The following ZC3HAV1L variants were observed in gnomAD, a reference collection of about 807,000 sequenced individuals.
ZC3HAV1L encodes the protein zinc finger CCCH-type antiviral protein 1-like.
Under a neutral mutation model 28.2 loss-of-function variants are expected in ZC3HAV1L, and 23 were observed. The ratio of observed to expected loss-of-function variants is 0.82; its 90% CI spans 0.59 to 1.16. ZC3HAV1L has a LOEUF of 1.16. Among genes scored for constraint, ZC3HAV1L ranks in the 50% most tolerant of loss-of-function variants. The probability of loss-of-function intolerance (pLI) is 0.00; values close to 1 mark genes in which losing one functional copy is unlikely to be tolerated. For missense variants in ZC3HAV1L, 376 were observed against 387.7 expected (o/e 0.97, Z 0.25); for synonymous variants, 180 against 163.4 (o/e 1.10, Z -0.78).
intron 1 of ZC3HAV1L, chr7:139,035,136 A>G: frequency 1.0e-6 from 1 of 985,438 alleles, no homozygotes; most frequent in Admixed American, 6.1e-5. Flanking sequence ...GCAGTCAGGA[A>G]CCACAGGGCC....
intron 1 of ZC3HAV1L, 128 bp downstream of exon 1, chr7:139,035,525 G>A (rs755444354): frequency 2.7e-5 from 36 of 1,311,454 alleles, no homozygotes; most frequent in Non-Finnish European, 3.2e-5. Flanking sequence ...CTGCGGGAGG[G>A]GGTCGTCCAG....
downstream of ZC3HAV1L, chr7:139,022,459 T>A (rs1452833684): frequency 2.5e-6 from 1 of 401,674 alleles, no homozygotes; most frequent in East Asian, 8.0e-5. Context: ...GGCAAGAGGA[T>A]GGCTTGAGCC....
intron 1 of ZC3HAV1L, chr7:139,035,308 C>G (rs893138833): frequency 1.0e-6 from 1 of 985,408 alleles, no homozygotes; most frequent in South Asian, 4.7e-5. Flanking sequence ...ACGCCCCACG[C>G]CCCCCACCTC....
At chr7:139,029,778 G>A (rs1815469600) in intron 2 of ZC3HAV1L, among the ~76,000 whole-genome samples, 1 of 152,082 alleles carries the variant, frequency 6.6e-6, no homozygotes. Context: ...CTGCTTCCAG[G>A]GAAACCAGTT....
chr7:139,031,638 C>T (rs1043955036), intron 2 of ZC3HAV1L, among the ~76,000 whole-genome samples: 1 of 152,010 alleles, frequency 6.6e-6, no homozygotes, highest in African/African-American at 2.4e-5. Context: ...GGCGCTATGG[C>T]TCACGCCTGT....
At chr7:139,035,619 C>A in intron 1 of ZC3HAV1L, 34 bp downstream of exon 1, 1 of 1,362,576 alleles carries the variant, frequency 7.3e-7, no homozygotes, top group Non-Finnish European at 9.4e-7. Context: ...CCGCGGCCAG[C>A]GCCCACAGTC....
rs1303279531 is a variant in ZC3HAV1L, at chr7:139,036,001, A to G, written c.17T>C (p.Val6Ala). MAEPT[V>A]CSFLTKVLCA... ...CAGCACCTTGGTGAGGAAGGAGCAC[A>G]CTGTGGGCTCCGCCATGGTCGCTGG... The change falls in exon 1 of 5, where the codon GTG becomes GCG. Residue 6 changes from valine (V) to alanine (A), a missense_variant. Coordinates refer to ENST00000275766, the MANE Select transcript of ZC3HAV1L (RefSeq NM_080660.4). 4.6e-6 allele frequency: 7 copies of G among 1,515,486 alleles called. No individual in the cohort carries two copies. The African/African-American group carries it at 7.2e-5, about 16-fold the overall frequency. 93.9% of individuals were successfully genotyped at this position (1,515,486 alleles called of 1,614,324 possible).
Position 139,028,604 on chromosome 7 carries a change from C to G in ZC3HAV1L, c.760+98G>C, listed in dbSNP as rs572591584. On this transcript the variant is annotated intron_variant, in intron 3 of 4. Coordinates refer to ENST00000275766, the MANE Select transcript of ZC3HAV1L (RefSeq NM_080660.4). The stretch of plus-strand genomic sequence containing the variant: ...AAATTAACATAGGAACTGCTTTGCC[C>G]CCAGACTCACTTTCATGTCACTGTT... 1.2e-4 allele frequency: 183 copies of G among 1,474,012 alleles called. 1 individual carries two copies. The South Asian group carries it at 2.2e-3, about 18-fold the overall frequency. 91.3% of individuals were successfully genotyped at this position (1,474,012 alleles called of 1,614,324 possible). A position where few individuals can be genotyped will look rare whatever the true frequency, so the allele number is the denominator to read the frequency against.
chr7:139,029,707 G>A (rs774960258), intron 2 of ZC3HAV1L, among the ~76,000 whole-genome samples: 1 of 151,966 alleles, frequency 6.6e-6, no homozygotes, highest in African/African-American at 2.4e-5. Context: ...TCCCACACTG[G>A]GTTTTCCTGA....
chr7:139,035,838 G>C lies in ZC3HAV1L; in HGVS notation c.180C>G (p.Leu60=), dbSNP rs532882453. Residue 60 remains leucine (L), a synonymous_variant, in exon 1 of 5, where the codon CTC becomes CTG. Transcript: ENST00000275766. Reference sequence around the variant, plus strand: ...CCGCCGCCTCGGCCTCCGCGTCCCCGAGGCCCTCCTGCGTCTCCACCTCCT... The same window carrying C: ...CCGCCGCCTCGGCCTCCGCGTCCCCCAGGCCCTCCTGCGTCTCCACCTCCT... ...LLQEVETQEG[L]GDAEAEAAAG... 1 of 1,493,280 alleles carries C rather than the reference G, an allele frequency of 6.7e-7. No individual in the cohort carries two copies. Among genetic ancestry groups the C allele is most frequent in the South Asian group, 1.3e-5 (1 of 79,252 alleles). The allele number at this position is 1,493,280 out of a possible 1,614,324, so 92.5% of individuals were successfully genotyped here.
chr7:139,022,356 CA>C, downstream of ZC3HAV1L: 1 of 403,846 alleles, frequency 2.5e-6, no homozygotes, highest in South Asian at 1.8e-5. Flanking sequence ...CCAGCCTGGG[CA>C]ACATAGTGAG....
In ZC3HAV1L at chr7:139,026,549, T is replaced by G; in HGVS notation, c.898A>C (p.Lys300Gln). 6.2e-7 allele frequency: 1 copy of G among 1,614,034 alleles called. No homozygotes were observed. ...TTTCTCCTTTTCCATCTTCTTTACT[T>G]CTCGCAAGACACTGTGAGGTAGATA... is the stretch of plus-strand genomic sequence containing the variant. ...AKKPCPVSCE[K>Q] Residue 300 changes from lysine (K) to glutamine (Q), a missense_variant, in exon 5 of 5, where the codon AAG becomes CAG. Physicochemically the swap from Lys to Gln is moderately conservative, Grantham distance 53. Transcript: ENST00000275766.
chr7:139,025,296 T>C (rs1447500150), downstream of ZC3HAV1L, among the ~76,000 whole-genome samples: 1 of 151,810 alleles, frequency 6.6e-6, no homozygotes, highest in East Asian at 1.9e-4. Flanking sequence ...TAAAAATACA[T>C]AATTAACTGG....
rs1481253138 is a variant in ZC3HAV1L at position 139,035,871 on chromosome 7, G to C, written c.147C>G (p.Phe49Leu). 1 of 1,510,960 alleles carries C rather than the reference G, an allele frequency of 6.6e-7. No homozygotes were observed. Among genetic ancestry groups the C allele is most frequent in the Non-Finnish European group, 8.8e-7 (1 of 1,137,454 alleles). 93.6% of individuals were successfully genotyped at this position (1,510,960 alleles called of 1,614,324 possible). ...CCTGCGTCTCCACCTCCTGCAGCAG[G>C]AAACGCTCGGGCCCGGCGCGCTGCA... Reference protein sequence around the residue: ...DVLQRAGPERFLLQEVETQEG... With the variant: ...DVLQRAGPERLLLQEVETQEG... Residue 49 changes from phenylalanine to leucine, a missense_variant, in exon 1 of 5, where the codon TTC (phenylalanine) becomes TTG (leucine). Coordinates refer to ENST00000275766, the MANE Select transcript of ZC3HAV1L (RefSeq NM_080660.4).
Position 139,035,945 on chromosome 7 carries a change from C to T in ZC3HAV1L, c.73G>A (p.Asp25Asn). The T allele has an allele frequency of 6.6e-7, 1 of 1,518,330 alleles. No individual in the cohort carries two copies. The allele number at this position is 1,518,330 out of a possible 1,614,324, so 94.1% of individuals were successfully genotyped here. ...CAHGGRMFLK[D>N]LRGHVELSEA... is the part of the protein sequence containing the mutation. ...GACAGCTCCACGTGGCCGCGCAGGT[C>T]CTTCAGGAACATGCGGCCGCCGTGG... Residue 25 changes from aspartate (D) to asparagine (N), a missense_variant, in exon 1 of 5, where the codon GAC (aspartate) becomes AAC (asparagine). Asp to Asn is a conservative substitution (Grantham distance 23). Coordinates refer to ENST00000275766, the MANE Select transcript of ZC3HAV1L (RefSeq NM_080660.4).
chr7:139,028,742 G>C lies in ZC3HAV1L; in HGVS notation c.720C>G (p.Thr240=), dbSNP rs1260214756. 6.2e-7 allele frequency: 1 copy of C among 1,614,156 alleles called. No homozygotes were observed. Among genetic ancestry groups the C allele is most frequent in the Admixed American group, 1.7e-5 (1 of 60,010 alleles). Residue 240 remains threonine, a synonymous_variant, in exon 3 of 5, where the codon ACC becomes ACG. Coordinates refer to ENST00000275766, the MANE Select transcript of ZC3HAV1L (RefSeq NM_080660.4). ...TCTTGTGCAGCTTCATATGCTTGTA[G>C]GTGGAGATTATCTGAAAATTAACAA... ...PSVVNFQIIS[T]YKHMKLHKML... is the part of the protein sequence containing the mutation.
intron 3 of ZC3HAV1L, among the ~76,000 whole-genome samples, chr7:139,027,879 T>C (rs960214170): frequency 2.0e-5 from 3 of 152,220 alleles, no homozygotes; most frequent in African/African-American, 7.2e-5. Context: ...GTAACAAGTA[T>C]AGTAGATTAG....
At chr7:139,034,723 C>A in intron 1 of ZC3HAV1L, 45 bp from the exon 2 acceptor site, 1 of 1,608,130 alleles carries the variant, frequency 6.2e-7, no homozygotes, top group Non-Finnish European at 8.5e-7. Flanking sequence ...TGAAGAAGGA[C>A]CAGTCTGTCC....
At chr7:139,021,629 A>G (rs1815249546), downstream of ZC3HAV1L, among the ~76,000 whole-genome samples, 1 of 152,118 alleles carries the variant, frequency 6.6e-6, no homozygotes, top group Non-Finnish European at 1.5e-5. Context: ...TAATATTACA[A>G]AAACCCTTAT....
Sources: allele counts gnomAD v4.1 joint callset (sites outside exome capture counted in the v4.1 genomes callset), GRCh38; gene constraint gnomAD v4.1.1; transcripts MANE v1.5; gene names NCBI Gene and HGNC (gene_info 2026-07-23, HGNC 2026-07-21).